The following MECOM variants were observed in gnomAD, a reference collection of about 807,000 sequenced individuals.
MECOM encodes the protein MDS1 and EVI1 complex locus.
Under a neutral mutation model 116.3 loss-of-function variants are expected in MECOM, and 13 were observed. The observed-to-expected ratio is 0.11, with a 90% CI of 0.07 to 0.18. The LOEUF (loss-of-function observed/expected upper bound fraction) is 0.18, where lower values mean the gene tolerates loss of function less well. Among genes scored for constraint, MECOM ranks in the 10% least tolerant of loss-of-function variants. The probability of loss-of-function intolerance (pLI) is 1.00; values close to 1 mark genes in which losing one functional copy is unlikely to be tolerated. For synonymous variants in MECOM, 528 were observed against 535.2 expected, an observed-to-expected ratio of 0.99 and a Z score of 0.19; for missense variants, 1,299 against 1,509.0, an observed-to-expected ratio of 0.86 and a Z score of 2.31.
intron 2 of MECOM, among the ~76,000 whole-genome samples, chr3:169,363,578 C>G (rs1728672429): frequency 6.6e-6 from 1 of 151,820 alleles, no homozygotes; most frequent in South Asian, 2.1e-4. Context: ...ACTTTATTGC[C>G]TGTTAATAGA....
At chr3:169,317,774 T>C (rs1287531044) in intron 2 of MECOM, among the ~76,000 whole-genome samples, 1 of 152,190 alleles carries the variant, frequency 6.6e-6, no homozygotes, top group Admixed American at 6.5e-5. Flanking sequence ...AAGAAAATGC[T>C]TTAAATGTCA....
chr3:169,119,540 T>C (rs979759356), intron 7 of MECOM, among the ~76,000 whole-genome samples: 20 of 152,224 alleles, frequency 1.3e-4, no homozygotes, highest in African/African-American at 4.6e-4. Context: ...CAGAAGTCTA[T>C]ATTTTCTGAC....
At chr3:169,452,534 T>A (rs968865292) in intron 1 of MECOM, among the ~76,000 whole-genome samples, 4 of 152,142 alleles carry the variant, frequency 2.6e-5, no homozygotes, top group African/African-American at 9.7e-5. Context: ...GAATACAAAC[T>A]CAGCATCTAC....
Position 169,090,070 on chromosome 3 carries a change from CATGTAA to C in MECOM, c.3325_3330del (p.Leu1109_His1110del). The C allele has an allele frequency of 6.2e-7, 1 of 1,613,640 alleles. No homozygotes were observed. Among genetic ancestry groups the C allele is most frequent in the Non-Finnish European group, 8.5e-7 (1 of 1,179,680 alleles). The stretch of plus-strand genomic sequence containing the variant: ...TCATAGTCATCCTCAGGGTTTCCTT[CATGTAA>C]ATTACTTGTCACTGGTTCCTTTCCT... On this transcript the variant is annotated inframe_deletion, in exon 15 of 17. Transcript: ENST00000651503.
rs546113265 is a variant in MECOM, at chr3:169,433,462, C to T, written c.38-51938G>A. 6.2e-5 allele frequency among the ~76,000 whole-genome samples: 9 copies of T among 144,754 alleles called. No individual in the cohort carries two copies. The South Asian group carries it at 6.6e-4, about 11-fold the overall frequency. 95.0% of individuals were successfully genotyped at this position (144,754 alleles called of 152,430 possible). On this transcript the variant is annotated intron_variant, in intron 1 of 16. Transcript: ENST00000651503. Reference sequence around the variant, plus strand: ...CAGCCTGGGCAACAACAGCGAAACTCGAAAGAAGGAAAGAAAAGAAAGACA... The same window carrying T: ...CAGCCTGGGCAACAACAGCGAAACTTGAAAGAAGGAAAGAAAAGAAAGACA...
chr3:169,111,093 A>G (rs1354600093), intron 9 of MECOM, among the ~76,000 whole-genome samples: 1 of 152,182 alleles, frequency 6.6e-6, no homozygotes, highest in Non-Finnish European at 1.5e-5. Context: ...TGGTAAATTT[A>G]CCTTAGTTAG....
intron 1 of MECOM, among the ~76,000 whole-genome samples, chr3:169,529,909 G>T (rs1758391768): frequency 6.6e-6 from 1 of 152,152 alleles, no homozygotes; most frequent in Non-Finnish European, 1.5e-5. Context: ...AGAAGAATTA[G>T]AATAAATAGG....
At chr3:169,580,001 C>T (rs945112860) in intron 1 of MECOM, among the ~76,000 whole-genome samples, 1 of 152,174 alleles carries the variant, frequency 6.6e-6, no homozygotes, top group Non-Finnish European at 1.5e-5. Context: ...GCACAGAGCC[C>T]ATTGTGAGCA....
At chr3:169,566,784 C>G (rs141495074) in intron 1 of MECOM, among the ~76,000 whole-genome samples, 1 of 152,306 alleles carries the variant, frequency 6.6e-6, no homozygotes, top group East Asian at 1.9e-4. Flanking sequence ...CTCCTGCTTT[C>G]CCTCGTCTGC....
In MECOM at chr3:169,090,147, A is replaced by G. The variant is rs747612156; in HGVS notation, c.3254T>C (p.Val1085Ala). The part of the protein sequence containing the change: ...LLDDEEVEDE[V>A]LLDEEDEDND... ...GTCTTCATCCTCCTCATCTAACAAC[A>G]CCTCATCTTCAACTTCTTCATCATC... Residue 1085 changes from valine to alanine, a missense_variant, in exon 15 of 17, where the codon GTG (valine) becomes GCG (alanine). Val to Ala is a moderately conservative substitution (Grantham distance 64). This residue lies in a region of MECOM where 273 missense variants were observed against 289.3 expected (regional missense o/e 0.94). Transcript: ENST00000651503. The G allele has an allele frequency of 1.9e-6, 3 of 1,612,832 alleles. No individual in the cohort carries two copies. The highest frequency in any genetic ancestry group is 2.5e-6 in the Non-Finnish European group (3 of 1,179,382).
intron 2 of MECOM, among the ~76,000 whole-genome samples, chr3:169,191,997 T>C (rs575234302): frequency 6.6e-6 from 1 of 152,158 alleles, no homozygotes; most frequent in African/African-American, 2.4e-5. Flanking sequence ...ACCATTTCAA[T>C]GGCATTAGCC....
chr3:169,264,184 C>A (rs368041066), intron 2 of MECOM, among the ~76,000 whole-genome samples: 9 of 152,060 alleles, frequency 5.9e-5, no homozygotes, highest in African/African-American at 2.2e-4. Context: ...ACCTAACAAC[C>A]AAAATGGGAA....
chr3:169,175,031 A>G (rs541355596), intron 2 of MECOM, among the ~76,000 whole-genome samples: 1 of 152,302 alleles, frequency 6.6e-6, no homozygotes, highest in East Asian at 1.9e-4. Flanking sequence ...TAGATACTAG[A>G]GTCTGAAATT....
chr3:169,135,179 T>C (rs1439942742), intron 3 of MECOM, among the ~76,000 whole-genome samples: 2 of 152,064 alleles, frequency 1.3e-5, no homozygotes, highest in African/African-American at 2.4e-5. Context: ...CATTTTTGTG[T>C]TGGAGAAAAA....
At chr3:169,123,799 C>T (rs1173786797) in intron 5 of MECOM, among the ~76,000 whole-genome samples, 1 of 152,062 alleles carries the variant, frequency 6.6e-6, no homozygotes, top group Non-Finnish European at 1.5e-5. Flanking sequence ...GAGATGCCCA[C>T]TGACCAAAGG....
At chr3:169,403,534 ACTT>A (rs1184831927) in intron 1 of MECOM, among the ~76,000 whole-genome samples, 5 of 152,198 alleles carry the variant, frequency 3.3e-5, no homozygotes, top group African/African-American at 9.6e-5. Flanking sequence ...ATTGCAATAT[ACTT>A]CTAGGCATTC....
At chr3:169,177,726 G>A (rs1361244712) in intron 2 of MECOM, among the ~76,000 whole-genome samples, 2 of 152,064 alleles carry the variant, frequency 1.3e-5, no homozygotes, top group Non-Finnish European at 2.9e-5. Context: ...AGACCAGCCT[G>A]GACAACCTGG....
chr3:169,642,337 G>A (rs145414804), intron 1 of MECOM, among the ~76,000 whole-genome samples: 188 of 151,998 alleles, frequency 1.2e-3, no homozygotes, highest in African/African-American at 4.2e-3. Context: ...ATTTAGAAAT[G>A]GGATTTTAAA....
intron 1 of MECOM, among the ~76,000 whole-genome samples, chr3:169,411,528 A>G (rs1241698842): frequency 6.6e-6 from 1 of 152,208 alleles, no homozygotes; most frequent in Non-Finnish European, 1.5e-5. Flanking sequence ...GAGGAGATGT[A>G]TGCTTGGTTT....
Sources: allele counts gnomAD v4.1 joint callset (sites outside exome capture counted in the v4.1 genomes callset), GRCh38; gene constraint gnomAD v4.1.1; regional missense constraint gnomAD v4.1.1; transcripts MANE v1.5; gene names NCBI Gene and HGNC (gene_info 2026-07-23, HGNC 2026-07-21).